Variants in CHMP6 observed in about 807,000 individuals in gnomAD.
CHMP6 encodes charged multivesicular body protein 6, also known as chromatin-modifying protein 6.
CHMP6 carries 10 observed loss-of-function variants against 32.8 expected under a neutral mutation model. The observed-to-expected ratio is 0.30, with a 90% CI of 0.19 to 0.52. The LOEUF (loss-of-function observed/expected upper bound fraction) is 0.52. Among genes scored for constraint, CHMP6 ranks in the 20% least tolerant of loss-of-function variants. The pLI, the probability that CHMP6 is intolerant of heterozygous loss-of-function variation, is 0.97. For missense variants in CHMP6, 269 were observed against 263.8 expected (o/e 1.02, Z -0.14); for synonymous variants, 123 against 105.8 (o/e 1.16, Z -1.00).
At chr17:80,999,020 CCT>C (rs957458842) in intron 7 of CHMP6, 76 bp from the exon 8 acceptor site, 1 of 1,553,076 alleles carries the variant, frequency 6.4e-7, no homozygotes, top group Non-Finnish European at 8.9e-7. Flanking sequence ...CCTTGCCACC[CCT>C]GTGGCCTCGT....
rs1568028009 is a variant in CHMP6, at chr17:80,995,586, G to GCAAC, written c.262-86_262-85insCAAC. 4.5e-3 allele frequency: 5,183 copies of GCAAC among 1,145,026 alleles called. 196 individuals are homozygous for GCAAC. The African/African-American group carries it at 0.072, about 16-fold the overall frequency. 70.9% of individuals were successfully genotyped at this position (1,145,026 alleles called of 1,614,324 possible). A position where few individuals can be genotyped will look rare whatever the true frequency, so the allele number is the denominator to read the frequency against. ...ACGCCCAGCAGCACCCGCCCAGCAA[G>GCAAC]GGTGTCATCCTGAACCCTGCCCCAG... is the stretch of plus-strand genomic sequence containing the variant. On this transcript the variant is annotated intron_variant, in intron 3 of 7. Coordinates refer to ENST00000325167, the MANE Select transcript of CHMP6 (RefSeq NM_024591.5).
At chr17:80,995,576 C>G in intron 3 of CHMP6, 96 bp from the exon 4 acceptor site, 1 of 1,040,860 alleles carries the variant, frequency 9.6e-7, no homozygotes, top group Non-Finnish European at 1.5e-6. Context: ...CAGCAGCACC[C>G]GCCCAGCAAG....
In CHMP6 at chr17:80,999,266, C is replaced by A; in HGVS notation, c.*113C>A. ...TCCCTGGAGCCCAGTGCGCACGGTG[C>A]TGAGCAGAGCTGCAGCCACGCAGGC... On this transcript the variant is annotated 3_prime_UTR_variant, in exon 8 of 8. Transcript: ENST00000325167. 2.5e-6 allele frequency: 3 copies of A among 1,198,432 alleles called. No homozygotes were observed. The highest frequency in any genetic ancestry group is 2.4e-6 in the Non-Finnish European group (2 of 821,876). 74.2% of individuals were successfully genotyped at this position (1,198,432 alleles called of 1,614,324 possible). A position where few individuals can be genotyped will look rare whatever the true frequency, so the allele number is the denominator to read the frequency against.
Position 80,991,852 on chromosome 17 carries a change from T to TACGGTGGCCGCGGGGCG in CHMP6, c.-66_-50dup. The TACGGTGGCCGCGGGGCG allele has an allele frequency of 7.9e-7, 1 of 1,269,508 alleles. No homozygotes were observed. Among genetic ancestry groups the TACGGTGGCCGCGGGGCG allele is most frequent in the Non-Finnish European group, 1.0e-6 (1 of 985,026 alleles). 78.6% of individuals were successfully genotyped at this position (1,269,508 alleles called of 1,614,324 possible). A position where few individuals can be genotyped will look rare whatever the true frequency, so the allele number is the denominator to read the frequency against. ...GCCGCCGTAGCGGGAGGACCCGAGC[T>TACGGTGGCCGCGGGGCG]ACGGTGGCCGCGGGGCGGCGGTGGC... On this transcript the variant is annotated 5_prime_UTR_variant, in exon 1 of 8. Transcript: ENST00000325167.
Position 80,995,115 on chromosome 17 carries a change from C to G in CHMP6, c.261+9C>G. On this transcript the variant is annotated intron_variant, in intron 3 of 7. Coordinates refer to ENST00000325167, the MANE Select transcript of CHMP6 (RefSeq NM_024591.5). ...GCAGCCTGGAGGCCATGGTAGGCGGCCGGGTGCTTCGCCCTGGAGTGCAGG... is the reference window on the plus strand; with the variant it reads ...GCAGCCTGGAGGCCATGGTAGGCGGGCGGGTGCTTCGCCCTGGAGTGCAGG... 1 of 1,592,436 alleles carries G rather than the reference C, an allele frequency of 6.3e-7. No homozygotes were observed. The highest frequency in any genetic ancestry group is 1.1e-5 in the South Asian group (1 of 87,210).
intron 1 of CHMP6, among the ~76,000 whole-genome samples, 184 bp downstream of exon 1, chr17:80,992,165 G>A (rs2069597879): frequency 2.0e-5 from 3 of 151,550 alleles, no homozygotes; most frequent in South Asian, 4.1e-4. Context: ...GCGGGGCCTC[G>A]GGCCGGGGTC....
chr17:80,997,093 C>T lies in CHMP6; in HGVS notation c.414+21C>T, dbSNP rs1168796653. 8 of 1,612,270 alleles carry T rather than the reference C, an allele frequency of 5.0e-6. No individual in the cohort carries two copies. In the South Asian group the frequency reaches 5.5e-5, roughly 11 times the overall value. The stretch of plus-strand genomic sequence containing the variant: ...AGCGGGTAGGTGGCACCCTGACCGG[C>T]CTGCCCCCAACTGTGAGAACCCACA... On this transcript the variant is annotated intron_variant, in intron 5 of 7. Transcript: ENST00000325167.
chr17:80,993,129 C>A (rs1218848197), intron 1 of CHMP6, among the ~76,000 whole-genome samples: 1 of 152,222 alleles, frequency 6.6e-6, no homozygotes, highest in East Asian at 1.9e-4. Flanking sequence ...GGTTTCTCTT[C>A]AAGCACAGCT....
At position 80,999,104 on chromosome 17, in the gene CHMP6, T is replaced by C; in HGVS notation, c.557T>C (p.Val186Ala). ...ATCTCTGTTTCCTCCACAGAAAACG[T>C]CCCTGTCAAGGCCAGGCCCAGGCAG... ...EPLPEKIPENVPVKARPRQAE... is the reference protein window; with the variant it reads ...EPLPEKIPENAPVKARPRQAE... The change falls in exon 8 of 8, where the codon GTC becomes GCC. Residue 186 changes from valine to alanine, a missense_variant. Transcript: ENST00000325167. 1 of 1,613,868 alleles carries C rather than the reference T, an allele frequency of 6.2e-7. No individual in the cohort carries two copies. Among genetic ancestry groups the C allele is most frequent in the Non-Finnish European group, 8.5e-7 (1 of 1,179,860 alleles).
chr17:80,993,476 G>A (rs554691697), intron 1 of CHMP6, among the ~76,000 whole-genome samples: 2 of 152,158 alleles, frequency 1.3e-5, no homozygotes. Context: ...GGGAGACTCC[G>A]TGGGTGGAGG....
In CHMP6 at chr17:80,993,280, G is replaced by GTT. The variant is rs5822385; in HGVS notation, c.64-1297_64-1296dup. 2.1e-4 allele frequency among the ~76,000 whole-genome samples: 30 copies of GTT among 145,924 alleles called. 1 individual carries two copies. The highest frequency in any genetic ancestry group is 9.8e-4 in the East Asian group (5 of 5,086). On this transcript the variant is annotated intron_variant, in intron 1 of 7. Coordinates refer to ENST00000325167, the MANE Select transcript of CHMP6 (RefSeq NM_024591.5). Reference sequence around the variant, plus strand: ...CACAAATGATTGCTTTTTTTTTTCTGTTTTTCTAGGATAACAGGTGTTCCC... The same window carrying GTT: ...CACAAATGATTGCTTTTTTTTTTCTGTTTTTTTCTAGGATAACAGGTGTTCCC...
chr17:80,997,285 A>C lies in CHMP6; in HGVS notation c.439A>C (p.Ser147Arg), dbSNP rs2069646048. Residue 147 changes from serine (S) to arginine (R), a missense_variant, in exon 6 of 8, where the codon AGC becomes CGC. Ser to Arg is a moderately radical substitution (Grantham distance 110). Transcript: ENST00000325167. ...GCAAATAGACGAGCTCCTGGCAGGA[A>C]GCTTCACTCAGGAGGATGAAGACGC... ...QRQIDELLAGSFTQEDEDAIL... is the reference protein window; with the variant it reads ...QRQIDELLAGRFTQEDEDAIL... 7 of 1,558,366 alleles carry C rather than the reference A, an allele frequency of 4.5e-6. No individual in the cohort carries two copies. Among genetic ancestry groups the C allele is most frequent in the Admixed American group, 1.8e-5 (1 of 54,980 alleles).
chr17:80,995,589 TG>T (rs2069630455), intron 3 of CHMP6, 82 bp from the exon 4 acceptor site: 2 of 1,190,452 alleles, frequency 1.7e-6, no homozygotes, highest in African/African-American at 3.3e-5. Flanking sequence ...CCAGCAAGGG[TG>T]TCATCCTGAA....
chr17:80,997,769 C>T (rs981308800), intron 6 of CHMP6, among the ~76,000 whole-genome samples: 16 of 152,174 alleles, frequency 1.1e-4, no homozygotes, highest in East Asian at 7.7e-4. Context: ...TGGGCCCCTG[C>T]CTCAGTCCGC....
intron 4 of CHMP6, among the ~76,000 whole-genome samples, chr17:80,996,482 A>T (rs578153661): frequency 1.3e-5 from 2 of 152,220 alleles, no homozygotes; most frequent in Non-Finnish European, 2.9e-5. Context: ...AGAGCCAGGG[A>T]CTCACCTGGC....
chr17:80,992,074 C>T lies in CHMP6; in HGVS notation c.63+93C>T, dbSNP rs2069597052. 1.2e-5 allele frequency: 11 copies of T among 910,420 alleles called. No individual in the cohort carries two copies. In the South Asian group the frequency reaches 3.0e-4, roughly 25 times the overall value. The allele number at this position is 910,420 out of a possible 1,614,324, so 56.4% of individuals were successfully genotyped here. A position where few individuals can be genotyped will look rare whatever the true frequency, so the allele number is the denominator to read the frequency against. ...GCCGGAAGAGCCCCGCGCCCTCGGC[C>T]CCCCGCGTTCGGATGGGGAAACTGA... On this transcript the variant is annotated intron_variant, in intron 1 of 7. Coordinates refer to ENST00000325167, the MANE Select transcript of CHMP6 (RefSeq NM_024591.5).
intron 4 of CHMP6, among the ~76,000 whole-genome samples, chr17:80,996,332 AAAG>A (rs1421455208): frequency 2.6e-5 from 4 of 151,904 alleles, no homozygotes; most frequent in Non-Finnish European, 4.4e-5. Flanking sequence ...GAAAAAAAAA[AAAG>A]AAGGCTTCCT....
chr17:80,994,174 A>G (rs1461759012), intron 1 of CHMP6, among the ~76,000 whole-genome samples: 2 of 152,186 alleles, frequency 1.3e-5, no homozygotes, highest in African/African-American at 2.4e-5. Context: ...TCGGCCTCCC[A>G]AAGTGCTGGG....
chr17:80,992,238 G>A (rs1317145413), intron 1 of CHMP6, among the ~76,000 whole-genome samples: 2 of 151,682 alleles, frequency 1.3e-5, no homozygotes, highest in Non-Finnish European at 2.9e-5. Context: ...TGCGAGCCCC[G>A]CCGGGGTGGG....
Sources: allele counts gnomAD v4.1 joint callset (sites outside exome capture counted in the v4.1 genomes callset), GRCh38; gene constraint gnomAD v4.1.1; transcripts MANE v1.5; gene names NCBI Gene and HGNC (gene_info 2026-07-23, HGNC 2026-07-21).